Variants in EXOC2 observed in about 807,000 individuals in gnomAD.
EXOC2 encodes SEC5-like 1.
Under a neutral mutation model 131.8 loss-of-function variants are expected in EXOC2, and 70 were observed. The ratio of observed to expected loss-of-function variants is 0.53; its 90% confidence interval spans 0.44 to 0.65. The LOEUF is 0.65. EXOC2 is among the 30% of genes least tolerant of loss of function. The pLI is 0.00. For synonymous variants in EXOC2, 411 were observed against 398.4 expected (o/e 1.03, Z -0.38); for missense variants, 923 against 1,108.6 (o/e 0.83, Z 2.38).
intron 17 of EXOC2, among the ~76,000 whole-genome samples, chr6:557,532 C>T (rs548055784): frequency 1.3e-4 from 20 of 148,246 alleles, no homozygotes; most frequent in African/African-American, 4.7e-4. Context: ...ACAGGAGAAT[C>T]GCTTGAACCT....
chr6:612,346 G>T (rs1298344730), intron 6 of EXOC2, among the ~76,000 whole-genome samples: 2 of 152,150 alleles, frequency 1.3e-5, no homozygotes, highest in African/African-American at 4.8e-5. Flanking sequence ...CCTCTGAGTA[G>T]GATTATATTT....
intron 1 of EXOC2, among the ~76,000 whole-genome samples, chr6:661,744 AC>A (rs1301484446): frequency 1.3e-5 from 2 of 152,188 alleles, no homozygotes; most frequent in East Asian, 1.9e-4. Flanking sequence ...GCAAAAACAA[AC>A]AAAAAAAAAG....
At chr6:542,326 G>C (rs1372745935) in intron 22 of EXOC2, among the ~76,000 whole-genome samples, 3 of 152,192 alleles carry the variant, frequency 2.0e-5, no homozygotes, top group African/African-American at 7.2e-5. Flanking sequence ...GAAAAGAAGT[G>C]CATCTCCATT....
At chr6:502,920 A>G (rs923273059) in intron 23 of EXOC2, among the ~76,000 whole-genome samples, 1 of 152,198 alleles carries the variant, frequency 6.6e-6, no homozygotes, top group Non-Finnish European at 1.5e-5. Flanking sequence ...TCCTGTGTGG[A>G]CAGGAAGTGG....
At position 597,181 on chromosome 6, in the gene EXOC2, AT is replaced by A. The variant is rs940424456; in HGVS notation, c.1073+839del. On this transcript the variant is annotated intron_variant, in intron 10 of 27. Coordinates refer to ENST00000230449, the MANE Select transcript of EXOC2 (RefSeq NM_018303.6). The stretch of plus-strand genomic sequence containing the variant: ...TTCACCTCTCTTAATATCACTGCAA[AT>A]TTTTTTTTTTAAGACAGAGTCTCAC... 2.0e-4 allele frequency among the ~76,000 whole-genome samples: 30 copies of A among 148,324 alleles called. 1 individual carries two copies. The highest frequency in any genetic ancestry group is 1.7e-3 in the South Asian group (8 of 4,658).
intron 23 of EXOC2, among the ~76,000 whole-genome samples, chr6:501,932 A>G (rs188705932): frequency 6.6e-5 from 10 of 152,022 alleles, no homozygotes; most frequent in African/African-American, 2.2e-4. Context: ...AGTGAAATAA[A>G]CGAACTCGTC....
intron 7 of EXOC2, among the ~76,000 whole-genome samples, chr6:606,287 G>A (rs1397663481): frequency 2.0e-5 from 3 of 152,130 alleles, no homozygotes; most frequent in Admixed American, 2.0e-4. Flanking sequence ...GGAGGGGGAA[G>A]GGATAGCATT....
intron 1 of EXOC2, among the ~76,000 whole-genome samples, chr6:675,583 AGCCTCCTCTGGCAACTGCG>A: frequency 2.2e-5 from 1 of 45,920 alleles, no homozygotes; most frequent in African/African-American, 5.8e-5. Flanking sequence ...CGGAAAGGAC[AGCCTCCTCTGGCAACTGCG>A]GTTCCCCATA....
chr6:521,672 A>C (rs868518701), intron 23 of EXOC2, among the ~76,000 whole-genome samples: 5 of 151,844 alleles, frequency 3.3e-5, no homozygotes, highest in African/African-American at 1.2e-4. Context: ...GACCACAGGT[A>C]TGTGCCACCA....
rs201971650 is a variant in EXOC2 at position 529,118 on chromosome 6, C to CA, written c.2380+3350_2380+3351insT. 2.7e-3 allele frequency among the ~76,000 whole-genome samples: 298 copies of CA among 110,290 alleles called. 7 individuals are homozygous for CA. The highest frequency in any genetic ancestry group is 0.016 in the African/African-American group (264 of 16,528). The allele number at this position is 110,290 out of a possible 152,430, so 72.4% of individuals were successfully genotyped here. On this transcript the variant is annotated intron_variant, in intron 23 of 27. Transcript: ENST00000230449. ...TAGCCCGGCATCGCCTGCCTTTTAC[C>CA]CCCCCCCGCGCCCTGGTTACTGCTC...
intron 1 of EXOC2, among the ~76,000 whole-genome samples, chr6:678,576 A>G (rs151079672): frequency 1.4e-4 from 22 of 152,368 alleles, no homozygotes; most frequent in Admixed American, 2.6e-4. Flanking sequence ...TAGAAAAAAT[A>G]GAGAAACATT....
intron 22 of EXOC2, among the ~76,000 whole-genome samples, chr6:540,174 T>C (rs1293434375): frequency 6.6e-6 from 1 of 152,130 alleles, no homozygotes; most frequent in Non-Finnish European, 1.5e-5. Context: ...AGGCTCGTCT[T>C]GAACTCCTCA....
intron 1 of EXOC2, among the ~76,000 whole-genome samples, chr6:650,318 G>C (rs1418783704): frequency 6.6e-6 from 1 of 152,154 alleles, no homozygotes; most frequent in African/African-American, 2.4e-5. Flanking sequence ...CAAGATGATT[G>C]GATGAGATCA....
At chr6:549,373 T>C in intron 21 of EXOC2, 82 bp from the exon 22 acceptor site, 2 of 969,742 alleles carry the variant, frequency 2.1e-6, no homozygotes, top group Non-Finnish European at 1.6e-6. Context: ...AGTTTAATTA[T>C]AATCTCTGCT....
intron 1 of EXOC2, among the ~76,000 whole-genome samples, chr6:654,542 G>A (rs1043724176): frequency 6.6e-6 from 1 of 152,100 alleles, no homozygotes; most frequent in Non-Finnish European, 1.5e-5. Context: ...GCTCATGCCT[G>A]TAATCCCAGC....
chr6:692,391 A>G (rs953161765), intron 1 of EXOC2, among the ~76,000 whole-genome samples: 6 of 152,228 alleles, frequency 3.9e-5, no homozygotes, highest in Non-Finnish European at 8.8e-5. Context: ...TGGTGTGCGG[A>G]CCTGGAGCCG....
At chr6:631,621 A>G (rs1295973763) in intron 3 of EXOC2, among the ~76,000 whole-genome samples, 1 of 152,138 alleles carries the variant, frequency 6.6e-6, no homozygotes, top group East Asian at 1.9e-4. Context: ...TTCCAGAATA[A>G]TAAAATTACC....
chr6:554,291 C>T (rs577731768), intron 20 of EXOC2, among the ~76,000 whole-genome samples: 3 of 152,276 alleles, frequency 2.0e-5, no homozygotes, highest in African/African-American at 4.8e-5. Flanking sequence ...CCGCCTGCCT[C>T]GGCCTCCCAA....
At chr6:548,965 A>G (rs1757002852) in intron 22 of EXOC2, among the ~76,000 whole-genome samples, 2 of 152,190 alleles carry the variant, frequency 1.3e-5, no homozygotes, top group South Asian at 4.1e-4. Context: ...TAGAGAAAAG[A>G]AAAGGGTATT....
Sources: allele counts gnomAD v4.1 joint callset (sites outside exome capture counted in the v4.1 genomes callset), GRCh38; gene constraint gnomAD v4.1.1; transcripts MANE v1.5; gene names NCBI Gene and HGNC (gene_info 2026-07-23, HGNC 2026-07-21).